ZNF280D: variants seen among roughly 807,000 people sequenced by gnomAD.
ZNF280D encodes the protein suppressor of hairy wing homolog 4.
Under a neutral mutation model 94.7 loss-of-function variants are expected in ZNF280D, and 39 were observed. That is an observed-to-expected ratio of 0.41 (90% CI 0.32 to 0.54). The LOEUF is 0.54. ZNF280D is among the 20% of genes least tolerant of loss of function. The pLI, the probability that ZNF280D is intolerant of heterozygous loss-of-function variation, is 0.22. For synonymous variants in ZNF280D, 398 were observed against 377.6 expected (o/e 1.05, Z -0.63); for missense variants, 1,090 against 1,149.3 (o/e 0.95, Z 0.75).
intron 1 of ZNF280D, among the ~76,000 whole-genome samples, chr15:56,708,733 A>T (rs1359633763): frequency 1.4e-4 from 22 of 152,308 alleles, no homozygotes; most frequent in Admixed American, 1.0e-3. Flanking sequence ...TCTTTGACAA[A>T]CCTGACAAAA....
At chr15:56,697,576 TATTTA>T (rs1346178882) in intron 6 of ZNF280D, among the ~76,000 whole-genome samples, 1 of 152,198 alleles carries the variant, frequency 6.6e-6, no homozygotes, top group African/African-American at 2.4e-5. Context: ...TTGTTCTTAT[TATTTA>T]AACAATATAC....
chr15:56,653,702 A>G lies in ZNF280D; in HGVS notation c.2213+496T>C. ...TATAAGAAATTAAGAAAGCAGACAAACAGACAAAAGACAAACAGCCATATA... is the reference window on the plus strand; with the variant it reads ...TATAAGAAATTAAGAAAGCAGACAAGCAGACAAAAGACAAACAGCCATATA... On this transcript the variant is annotated intron_variant, in intron 19 of 21. Transcript: ENST00000267807. The G allele has an allele frequency of 6.8e-6, 9 of 1,328,566 alleles. No homozygotes were observed. The South Asian group carries it at 1.9e-4, about 28-fold the overall frequency. The allele number at this position is 1,328,566 out of a possible 1,614,324, so 82.3% of individuals were successfully genotyped here.
rs377062217 is a variant in ZNF280D, at chr15:56,732,092, C to T, written c.-86+1366G>A. Among the ~76,000 whole-genome samples, 11 of 152,288 alleles carry T rather than the reference C, an allele frequency of 7.2e-5. No homozygotes were observed. In the East Asian group the frequency reaches 1.2e-3, roughly 16 times the overall value. On this transcript the variant is annotated intron_variant, in intron 1 of 21. Transcript: ENST00000267807. ...AGCCTCCTTGCCTATTCTCATCTAC[C>T]TCATTCCCACAAAAATGGTATATAC... is the stretch of plus-strand genomic sequence containing the variant.
chr15:56,635,088 A>T, intron 21 of ZNF280D, 107 bp downstream of exon 21: 2 of 572,962 alleles, frequency 3.5e-6, no homozygotes, highest in African/African-American at 4.0e-5. Context: ...ATAGCACTAT[A>T]TACAAACATT....
In ZNF280D at chr15:56,656,856, T is replaced by A. The variant is rs561162023; in HGVS notation, c.2057+1568A>T. ...AACATAAACAGGAGATAGGGAATGC[T>A]GGGATAAAGCAAAGGGAAGAGGATA... On this transcript the variant is annotated intron_variant, in intron 17 of 21. Transcript: ENST00000267807. Among the ~76,000 whole-genome samples the A allele has an allele frequency of 2.8e-4, 42 of 152,228 alleles. No individual in the cohort carries two copies. The South Asian group carries it at 7.9e-3, about 29-fold the overall frequency.
Position 56,716,559 on chromosome 15 carries a change from T to C in ZNF280D, c.-85-9253A>G, listed in dbSNP as rs139048482. Among the ~76,000 whole-genome samples the C allele has an allele frequency of 4.7e-3, 671 of 144,216 alleles. 15 individuals carry two copies. The highest frequency in any genetic ancestry group is 0.038 in the Admixed American group (559 of 14,530). 94.6% of individuals were successfully genotyped at this position (144,216 alleles called of 152,430 possible). A position where few individuals can be genotyped will look rare whatever the true frequency, so the allele number is the denominator to read the frequency against. On this transcript the variant is annotated intron_variant, in intron 1 of 21. Transcript: ENST00000267807. Reference sequence around the variant, plus strand: ...CATGGGAAGAGATAAGACATAGAGATAGACAAGAGTTAAACAATGAAGCAC... The same window carrying C: ...CATGGGAAGAGATAAGACATAGAGACAGACAAGAGTTAAACAATGAAGCAC...
chr15:56,636,202 T>C (rs1052175601), intron 20 of ZNF280D, among the ~76,000 whole-genome samples: 1 of 152,156 alleles, frequency 6.6e-6, no homozygotes, highest in Non-Finnish European at 1.5e-5. Context: ...TTTCACCAAA[T>C]GTTTAGAAAC....
At chr15:56,641,967 A>G (rs1248523649) in intron 20 of ZNF280D, among the ~76,000 whole-genome samples, 1 of 151,698 alleles carries the variant, frequency 6.6e-6, no homozygotes, top group African/African-American at 2.4e-5. Flanking sequence ...AAAATATATA[A>G]TAAGAATAGA....
intron 19 of ZNF280D, chr15:56,653,249 T>C: frequency 8.6e-7 from 1 of 1,162,220 alleles, no homozygotes; most frequent in Non-Finnish European, 1.1e-6. Flanking sequence ...CCAAAATGAC[T>C]AAACTTCAAC....
At chr15:56,718,601 G>A (rs533439521) in intron 1 of ZNF280D, among the ~76,000 whole-genome samples, 52 of 152,168 alleles carry the variant, frequency 3.4e-4, no homozygotes, top group African/African-American at 1.2e-3. Flanking sequence ...GCTTTAATAC[G>A]AAAGAAAAAT....
At chr15:56,668,594 T>A (rs2054459931) in intron 14 of ZNF280D, among the ~76,000 whole-genome samples, 1 of 152,018 alleles carries the variant, frequency 6.6e-6, no homozygotes, top group Non-Finnish European at 1.5e-5. Context: ...CCAGGAAAAG[T>A]TAATTGAGTT....
At chr15:56,688,855 G>A (rs2056237057) in intron 9 of ZNF280D, 186 bp downstream of exon 9, 1 of 390,748 alleles carries the variant, frequency 2.6e-6, no homozygotes, top group Non-Finnish European at 4.6e-6. Flanking sequence ...ACAAATTTAA[G>A]TTTTAAAATT....
At chr15:56,644,903 G>A (rs1384463379) in intron 19 of ZNF280D, among the ~76,000 whole-genome samples, 1 of 152,140 alleles carries the variant, frequency 6.6e-6, no homozygotes, top group Non-Finnish European at 1.5e-5. Flanking sequence ...TTTCAATCTT[G>A]TTTTGTGCCT....
chr15:56,634,434 C>T (rs1373397039), intron 21 of ZNF280D, among the ~76,000 whole-genome samples: 1 of 151,976 alleles, frequency 6.6e-6, no homozygotes, highest in Non-Finnish European at 1.5e-5. Context: ...TGTTAACATT[C>T]CCCCAAGAAC....
At position 56,642,635 on chromosome 15, in the gene ZNF280D, G is replaced by T. The variant is rs181123157; in HGVS notation, c.2259+317C>A. On this transcript the variant is annotated intron_variant, in intron 20 of 21. Transcript: ENST00000267807. ...ACCTGGAAAGATTAATTTTTCCAGT[G>T]TGCCAAATGATTGAGGTTTTACTGA... is the stretch of plus-strand genomic sequence containing the variant. Among the ~76,000 whole-genome samples the T allele has an allele frequency of 2.0e-4, 31 of 151,762 alleles. 1 individual carries two copies. The East Asian group carries it at 6.0e-3, about 29-fold the overall frequency.
chr15:56,703,993 T>C, intron 4 of ZNF280D, 128 bp downstream of exon 4: 1 of 973,162 alleles, frequency 1.0e-6, no homozygotes, highest in Non-Finnish European at 1.5e-6. Flanking sequence ...ACCTCCTTCC[T>C]CAAGTCCCCA....
chr15:56,729,942 ATTT>A (rs1211712125), intron 1 of ZNF280D: 5 of 152,120 alleles, frequency 3.3e-5, no homozygotes, highest in Non-Finnish European at 5.9e-5. Flanking sequence ...TAGATTTTTT[ATTT>A]TTTATTTTTC....
At chr15:56,704,004 A>G (rs532489775) in intron 4 of ZNF280D, 117 bp downstream of exon 4, 11 of 1,101,860 alleles carry the variant, frequency 1.0e-5, no homozygotes, top group South Asian at 5.1e-5. Context: ...CAAGTCCCCA[A>G]TCATGTTCCT....
At chr15:56,664,894 G>T (rs567584414) in intron 16 of ZNF280D, among the ~76,000 whole-genome samples, 1 of 152,244 alleles carries the variant, frequency 6.6e-6, no homozygotes, top group South Asian at 2.1e-4. Context: ...CAAAACAGAT[G>T]ATCCTGAGAG....
Sources: gnomAD v4.1 joint callset for allele counts (sites outside exome capture counted in the v4.1 genomes callset) on GRCh38, gnomAD v4.1.1 for gene constraint, MANE v1.5 for transcripts, NCBI Gene and HGNC (gene_info 2026-07-23, HGNC 2026-07-21) for gene names.